Variants in DACH2 observed in about 807,000 individuals in gnomAD.
The protein encoded by DACH2 is dachshund family transcription factor 2.
A neutral mutation model predicts 35.8 loss-of-function variants in DACH2; 17 were observed. The observed-to-expected ratio is 0.48, with a 90% confidence interval of 0.33 to 0.71. The LOEUF is 0.71. Ranked by LOEUF, DACH2 falls within the 30% of genes least tolerant of loss-of-function variation. DACH2 has a pLI of 0.02. For missense variants in DACH2, 469 were observed against 472.7 expected (o/e 0.99, Z 0.07); for synonymous variants, 195 against 177.3 (o/e 1.10, Z -0.79).
At chrX:86,435,318 A>G (rs7884661) in intron 2 of DACH2, among the ~76,000 whole-genome samples, 14,608 of 111,250 alleles carry the variant, frequency 0.13, 1,573 homozygotes, top group African/African-American at 0.36. Flanking sequence ...AGAACTTTTA[A>G]CATCAAGGTT....
intron 3 of DACH2, among the ~76,000 whole-genome samples, chrX:86,518,110 T>C (rs192728542): frequency 2.4e-4 from 27 of 112,438 alleles, no homozygotes; most frequent in African/African-American, 8.1e-4. Flanking sequence ...GTCTTCTGCA[T>C]ATGGCTAGCA....
At chrX:86,601,189 C>T (rs1173041791) in intron 3 of DACH2, among the ~76,000 whole-genome samples, 1 of 111,095 alleles carries the variant, frequency 9.0e-6, no homozygotes, top group Non-Finnish European at 1.9e-5. Context: ...TTCATATACC[C>T]CAAACAGTTT....
intron 2 of DACH2, among the ~76,000 whole-genome samples, chrX:86,443,655 A>T (rs965531479): frequency 9.0e-6 from 1 of 111,262 alleles, no homozygotes; most frequent in Non-Finnish European, 1.9e-5. Context: ...GATTAGTCAT[A>T]TATGGTCTTT....
intron 1 of DACH2, among the ~76,000 whole-genome samples, chrX:86,282,774 C>CTTTTTTT (rs746321715): frequency 2.6e-5 from 1 of 37,753 alleles, no homozygotes; most frequent in African/African-American, 3.1e-4. Context: ...ACAGACACTT[C>CTTTTTTT]TTTTTTTTTT....
chrX:86,521,426 G>A (rs933237358), intron 3 of DACH2, among the ~76,000 whole-genome samples: 3 of 111,498 alleles, frequency 2.7e-5, no homozygotes, highest in African/African-American at 6.5e-5. Context: ...TGTATTTCCT[G>A]AATTTGACGG....
chrX:86,812,892 C>A lies in DACH2; in HGVS notation c.1277C>A (p.Pro426His), dbSNP rs757008623. The change falls in exon 8 of 12, where the codon CCC becomes CAC. Residue 426 changes from proline to histidine, a missense_variant. Physicochemically the swap from Pro to His is moderately conservative, Grantham distance 77 (BLOSUM62 -2). Transcript: ENST00000373125. Reference sequence around the variant, plus strand: ...GTTCAAATTCCAATAATGAAGTCACCCTTGGACAAGATACAGCTGACTCCT... The same window carrying A: ...GTTCAAATTCCAATAATGAAGTCACACTTGGACAAGATACAGCTGACTCCT... ...VPVQIPIMKS[P>H]LDKIQLTPGQ... is the part of the protein sequence containing the mutation. The A allele has an allele frequency of 9.1e-6, 11 of 1,203,496 alleles. No individual in the cohort carries two copies. Among genetic ancestry groups the A allele is most frequent in the African/African-American group, 1.7e-5 (1 of 57,265 alleles).
In DACH2 at chrX:86,616,606, T is replaced by C. The variant is rs185642001; in HGVS notation, c.641-34430T>C. 2.6e-3 allele frequency among the ~76,000 whole-genome samples: 295 copies of C among 112,254 alleles called. 2 individuals carry two copies. The highest frequency in any genetic ancestry group is 9.1e-3 in the African/African-American group (282 of 30,932). Reference sequence around the variant, plus strand: ...CTCATGTCCTTTGCCCACTTTTTAATGGGGTTGCTTGCTTTTTACTTGTAA... The same window carrying C: ...CTCATGTCCTTTGCCCACTTTTTAACGGGGTTGCTTGCTTTTTACTTGTAA... On this transcript the variant is annotated intron_variant, in intron 3 of 11. Transcript: ENST00000373125.
At chrX:86,830,053 G>T (rs1033217237) in intron 11 of DACH2, 6 of 111,445 alleles carry the variant, frequency 5.4e-5, no homozygotes, top group African/African-American at 2.0e-4. Context: ...AATGAAGCGA[G>T]CACACTGGGT....
intron 2 of DACH2, among the ~76,000 whole-genome samples, chrX:86,465,422 G>T (rs1453105473): frequency 8.9e-6 from 1 of 111,935 alleles, no homozygotes; most frequent in Non-Finnish European, 1.9e-5. Flanking sequence ...TTCCTAAGTA[G>T]TGGAGCTCAC....
chrX:86,417,735 A>G (rs1490997962), intron 2 of DACH2, among the ~76,000 whole-genome samples: 1 of 111,004 alleles, frequency 9.0e-6, no homozygotes, highest in Non-Finnish European at 1.9e-5. Flanking sequence ...TCCCTCCCAA[A>G]TATCATGTCC....
At chrX:86,662,170 A>G (rs1273979821) in intron 4 of DACH2, among the ~76,000 whole-genome samples, 5 of 112,182 alleles carry the variant, frequency 4.5e-5, no homozygotes, top group South Asian at 3.7e-4. Flanking sequence ...ACACAGCTCT[A>G]CTAGAATTAG....
intron 2 of DACH2, among the ~76,000 whole-genome samples, chrX:86,426,405 C>T (rs1010203251): frequency 2.7e-5 from 3 of 111,261 alleles, no homozygotes; most frequent in Admixed American, 9.6e-5. Context: ...GCTGTGTCAT[C>T]TATGATGTTA....
chrX:86,160,658 C>G, intron 1 of DACH2: 1 of 500,145 alleles, frequency 2.0e-6, no homozygotes, highest in Non-Finnish European at 3.6e-6. Flanking sequence ...GTTGCCACAA[C>G]GAACATCCTT....
chrX:86,183,102 G>T (rs759839175), intron 1 of DACH2, among the ~76,000 whole-genome samples: 1 of 111,735 alleles, frequency 8.9e-6, no homozygotes, highest in East Asian at 2.8e-4. Context: ...TTTTCTAAAT[G>T]TACAATCATG....
In DACH2 at chrX:86,717,485, GTAGA is replaced by G. The variant is rs758800112; in HGVS notation, c.1104+2777_1104+2780del. Among the ~76,000 whole-genome samples, 4 of 109,823 alleles carry G rather than the reference GTAGA, an allele frequency of 3.6e-5. No individual in the cohort carries two copies. The South Asian group carries it at 1.5e-3, about 42-fold the overall frequency. On this transcript the variant is annotated intron_variant, in intron 6 of 11. Coordinates refer to ENST00000373125, the MANE Select transcript of DACH2 (RefSeq NM_053281.3). ...TATTCATATACACATGTATGTATAT[GTAGA>G]TAGATAGATAGGAACTTGATAATGA...
At chrX:86,766,093 C>G (rs1032903401) in intron 7 of DACH2, among the ~76,000 whole-genome samples, 1 of 110,279 alleles carries the variant, frequency 9.1e-6, no homozygotes, top group African/African-American at 3.3e-5. Flanking sequence ...AGCTTCTCTC[C>G]TTTCTTCTCC....
intron 1 of DACH2, among the ~76,000 whole-genome samples, chrX:86,182,684 T>C (rs887040732): frequency 2.7e-5 from 3 of 112,002 alleles, no homozygotes; most frequent in African/African-American, 9.7e-5. Context: ...CCATATGAAA[T>C]TTAAAGTAGT....
intron 1 of DACH2, among the ~76,000 whole-genome samples, chrX:86,291,746 G>A (rs1384764584): frequency 2.7e-5 from 2 of 74,342 alleles, no homozygotes; most frequent in Non-Finnish European, 4.8e-5. Flanking sequence ...TTCGCATATT[G>A]AACCAGCCTT....
chrX:86,605,756 C>CT (rs2039849203), intron 3 of DACH2, among the ~76,000 whole-genome samples: 2 of 107,944 alleles, frequency 1.9e-5, no homozygotes, highest in South Asian at 3.9e-4. Flanking sequence ...TTTTTTTTTC[C>CT]TTTTTTCAAT....
Sources: gnomAD v4.1 joint callset for allele counts (sites outside exome capture counted in the v4.1 genomes callset) on GRCh38, gnomAD v4.1.1 for gene constraint, MANE v1.5 for transcripts, NCBI Gene and HGNC (gene_info 2026-07-23, HGNC 2026-07-21) for gene names.